Variants in DOCK9 observed in about 807,000 individuals in gnomAD.
DOCK9 encodes the protein dedicator of cytokinesis 9.
A neutral mutation model predicts 263.3 loss-of-function variants in DOCK9; 89 were observed. That is an observed-to-expected ratio of 0.34 (90% CI 0.28 to 0.40). DOCK9 has a LOEUF of 0.40. Ranked by LOEUF, DOCK9 falls within the 10% of genes least tolerant of loss-of-function variation. The pLI, the probability that DOCK9 is intolerant of heterozygous loss-of-function variation, is 1.00. For missense variants in DOCK9, 2,140 were observed against 2,603.4 expected, an observed-to-expected ratio of 0.82 and a Z score of 3.87; for synonymous variants, 976 against 973.1, an observed-to-expected ratio of 1.00 and a Z score of -0.06.
At chr13:98,953,257 A>T (rs1244158832) in intron 2 of DOCK9, among the ~76,000 whole-genome samples, 1 of 152,206 alleles carries the variant, frequency 6.6e-6, no homozygotes, top group East Asian at 1.9e-4. Context: ...CTCTAGGAAA[A>T]CTTCTCCCCA....
intron 34 of DOCK9, 86 bp downstream of exon 34, chr13:98,855,812 A>G: frequency 3.3e-6 from 5 of 1,523,820 alleles, no homozygotes; most frequent in Non-Finnish European, 4.5e-6. Flanking sequence ...GGTCACACTT[A>G]AAAGGCACTA....
chr13:98,946,862 C>G (rs1445827120), intron 2 of DOCK9, among the ~76,000 whole-genome samples: 1 of 152,146 alleles, frequency 6.6e-6, no homozygotes, highest in Non-Finnish European at 1.5e-5. Flanking sequence ...GACTGTCTGC[C>G]CTCTCTGCCT....
chr13:98,800,250 G>C, intron 50 of DOCK9, 38 bp downstream of exon 50: 1 of 1,540,012 alleles, frequency 6.5e-7, no homozygotes, highest in East Asian at 2.4e-5. Flanking sequence ...GGGCAAGGAC[G>C]TCCCCTGCTG....
At chr13:98,851,645 G>A (rs921679019) in intron 35 of DOCK9, among the ~76,000 whole-genome samples, 2 of 152,344 alleles carry the variant, frequency 1.3e-5, no homozygotes, top group Admixed American at 6.5e-5. Context: ...CATGTAGAAG[G>A]TGCTCATTAA....
chr13:98,820,319 C>T (rs1380008507), intron 45 of DOCK9, among the ~76,000 whole-genome samples: 1 of 152,198 alleles, frequency 6.6e-6, no homozygotes, highest in Non-Finnish European at 1.5e-5. Flanking sequence ...GAAAGCCATT[C>T]TAAACAGCAA....
intron 1 of DOCK9, among the ~76,000 whole-genome samples, chr13:99,063,661 G>A (rs1596018070): frequency 6.6e-6 from 1 of 151,942 alleles, no homozygotes; most frequent in African/African-American, 2.4e-5. Flanking sequence ...AAGCCACTGG[G>A]GACCAATACT....
chr13:98,826,379 C>A (rs148566064), intron 44 of DOCK9, among the ~76,000 whole-genome samples: 1 of 152,208 alleles, frequency 6.6e-6, no homozygotes, highest in African/African-American at 2.4e-5. Flanking sequence ...CGCCCCCTCT[C>A]CTTCCTCTGG....
chr13:99,046,100 C>CAAAA (rs35917523), intron 1 of DOCK9, among the ~76,000 whole-genome samples: 1 of 112,076 alleles, frequency 8.9e-6, no homozygotes. Context: ...GACTCAGTCT[C>CAAAA]AAAAAAAAAA....
chr13:99,059,872 C>A (rs187337123), intron 1 of DOCK9, among the ~76,000 whole-genome samples: 77 of 152,234 alleles, frequency 5.1e-4, no homozygotes, highest in African/African-American at 1.7e-3. Context: ...CTATGCTATT[C>A]TGGACATCGC....
chr13:99,062,334 T>C (rs575496303), intron 1 of DOCK9, among the ~76,000 whole-genome samples: 1 of 152,322 alleles, frequency 6.6e-6, no homozygotes, highest in Non-Finnish European at 1.5e-5. Flanking sequence ...TACAGTTCAT[T>C]GCCCCCTCCC....
exon 1 of DOCK9, chr13:99,086,266 A>G: frequency 1.3e-6 from 2 of 1,499,518 alleles, no homozygotes; most frequent in Non-Finnish European, 1.8e-6. Flanking sequence ...GCTCTGCCGC[A>G]GCTCGGCCGC....
In DOCK9 at chr13:99,024,483, C is replaced by T. The variant is rs548382497; in HGVS notation, c.129+61740G>A. 9.8e-4 allele frequency among the ~76,000 whole-genome samples: 149 copies of T among 152,304 alleles called. 2 individuals carry two copies. The highest frequency in any genetic ancestry group is 3.4e-3 in the African/African-American group (141 of 41,578). ...ACAAATGCACCCTTGAAACTGTTCA[C>T]GTTCTTCATATATGGAGTTATGGCT... On this transcript the variant is annotated intron_variant, in intron 1 of 32. Coordinates refer to the DOCK9 transcript ENST00000427887.
chr13:99,046,719 G>A (rs1443055239), intron 1 of DOCK9, among the ~76,000 whole-genome samples: 5 of 152,226 alleles, frequency 3.3e-5, no homozygotes. Flanking sequence ...TTTATTCAGA[G>A]TATAAGCTCA....
At chr13:98,932,404 C>CAAACAAACA (rs1488368829) in intron 2 of DOCK9, among the ~76,000 whole-genome samples, 1 of 150,700 alleles carries the variant, frequency 6.6e-6, no homozygotes, top group Non-Finnish European at 1.5e-5. Context: ...CAAAAAACAA[C>CAAACAAACA]AACAAACAAA....
At chr13:98,929,178 C>T (rs1234866466) in intron 3 of DOCK9, among the ~76,000 whole-genome samples, 1 of 152,054 alleles carries the variant, frequency 6.6e-6, no homozygotes, top group Non-Finnish European at 1.5e-5. Flanking sequence ...TCCTTCCTAC[C>T]TAAAATTACC....
chr13:98,901,347 T>C (rs1481812683), intron 13 of DOCK9, among the ~76,000 whole-genome samples: 3 of 152,220 alleles, frequency 2.0e-5, no homozygotes, highest in Non-Finnish European at 4.4e-5. Context: ...TGGACCTGAA[T>C]CACTGACACT....
chr13:98,971,636 A>G (rs1204491669), intron 1 of DOCK9, among the ~76,000 whole-genome samples: 1 of 152,074 alleles, frequency 6.6e-6, no homozygotes, highest in African/African-American at 2.4e-5. Context: ...TGAACCCGGA[A>G]GGCGGACCTT....
chr13:98,991,683 A>G (rs1282956636), intron 1 of DOCK9, among the ~76,000 whole-genome samples: 1 of 150,604 alleles, frequency 6.6e-6, no homozygotes, highest in African/African-American at 2.4e-5. Flanking sequence ...ATAAATATAA[A>G]TTACATATAT....
chr13:98,925,268 A>T (rs2052743140), intron 4 of DOCK9, among the ~76,000 whole-genome samples: 1 of 152,210 alleles, frequency 6.6e-6, no homozygotes, highest in South Asian at 2.1e-4. Flanking sequence ...TTTATAAAAG[A>T]TAGTCTGTCA....
Sources: allele counts gnomAD v4.1 joint callset (sites outside exome capture counted in the v4.1 genomes callset), GRCh38; gene constraint gnomAD v4.1.1; transcripts MANE v1.5; gene names NCBI Gene and HGNC (gene_info 2026-07-23, HGNC 2026-07-21).